The following LRRC2 variants were observed in gnomAD, a reference collection of about 807,000 sequenced individuals.
LRRC2 encodes leucine-rich repeat-containing protein 2.
A neutral mutation model predicts 40.2 loss-of-function variants in LRRC2; 27 were observed. The ratio of observed to expected loss-of-function variants is 0.67; its 90% CI spans 0.49 to 0.93. LRRC2 has a LOEUF of 0.93. Among genes scored for constraint, LRRC2 ranks in the 40% least tolerant of loss-of-function variants. The pLI, the probability that LRRC2 is intolerant of heterozygous loss-of-function variation, is 0.00. For synonymous variants in LRRC2, 147 were observed against 158.9 expected, an observed-to-expected ratio of 0.92 and a Z score of 0.56; for missense variants, 402 against 439.6, an observed-to-expected ratio of 0.91 and a Z score of 0.76.
intron 7 of LRRC2, among the ~76,000 whole-genome samples, chr3:46,522,416 TAAAC>T (rs71098410): frequency 0.11 from 15,613 of 145,926 alleles, 1,021 homozygotes; most frequent in East Asian, 0.17. Flanking sequence ...AATAAATAAA[TAAAC>T]AAACGATAGG....
At chr3:46,563,949 C>T (rs1404561589) in intron 1 of LRRC2, among the ~76,000 whole-genome samples, 4 of 152,236 alleles carry the variant, frequency 2.6e-5, no homozygotes, top group African/African-American at 9.6e-5. Flanking sequence ...AACCTCAACA[C>T]AGAAACCGTG....
rs1703893886 is a variant in LRRC2 at position 46,517,901 on chromosome 3, T to G, written c.*1113A>C. 1 of 152,288 alleles carries G rather than the reference T, an allele frequency of 6.6e-6. No homozygotes were observed. Among genetic ancestry groups the G allele is most frequent in the Admixed American group, 6.5e-5 (1 of 15,282 alleles). 9.4% of individuals were successfully genotyped at this position (152,288 alleles called of 1,614,324 possible). A position where few individuals can be genotyped will look rare whatever the true frequency, so the allele number is the denominator to read the frequency against. On this transcript the variant is annotated 3_prime_UTR_variant, in exon 9 of 9. Coordinates refer to ENST00000395905, the MANE Select transcript of LRRC2 (RefSeq NM_024512.5). ...ACAAGGAAGCCTTGCTAGGAACTCCTTATCAGTGTGGACTGGTCATCTCCA... is the reference window on the plus strand; with the variant it reads ...ACAAGGAAGCCTTGCTAGGAACTCCGTATCAGTGTGGACTGGTCATCTCCA...
chr3:46,528,721 C>T (rs1704106457), intron 6 of LRRC2, among the ~76,000 whole-genome samples: 1 of 152,168 alleles, frequency 6.6e-6, no homozygotes, highest in Non-Finnish European at 1.5e-5. Context: ...ATACACATCA[C>T]ATGTACCAGG....
At chr3:46,546,470 G>A in intron 2 of LRRC2, among the ~76,000 whole-genome samples, 1 of 152,186 alleles carries the variant, frequency 6.6e-6, no homozygotes, top group East Asian at 1.9e-4. Flanking sequence ...AGAAATTTCA[G>A]ATTTTGAAAG....
At chr3:46,525,084 T>C (rs1169740428) in intron 7 of LRRC2, among the ~76,000 whole-genome samples, 5 of 134,066 alleles carry the variant, frequency 3.7e-5, no homozygotes, top group South Asian at 5.6e-4. Context: ...TTCTTTTTTT[T>C]TCTTTTTTTT....
At position 46,518,955 on chromosome 3, in the gene LRRC2, T is replaced by A. The variant is rs1703917016; in HGVS notation, c.*59A>T. 1 of 1,147,652 alleles carries A rather than the reference T, an allele frequency of 8.7e-7. No homozygotes were observed. The highest frequency in any genetic ancestry group is 1.3e-6 in the Non-Finnish European group (1 of 756,676). The allele number at this position is 1,147,652 out of a possible 1,614,324, so 71.1% of individuals were successfully genotyped here. On this transcript the variant is annotated 3_prime_UTR_variant, in exon 9 of 9. Coordinates refer to ENST00000395905, the MANE Select transcript of LRRC2 (RefSeq NM_024512.5). ...CCATTCTTCCTATATGACATGATCA[T>A]AACAAAGATTTATATATAGCTCCAG... is the stretch of plus-strand genomic sequence containing the variant.
At chr3:46,523,757 A>G (rs1193293474) in intron 7 of LRRC2, among the ~76,000 whole-genome samples, 1 of 151,434 alleles carries the variant, frequency 6.6e-6, no homozygotes, top group African/African-American at 2.4e-5. Flanking sequence ...CCATCCATCT[A>G]TCCACCCATT....
At position 46,515,952 on chromosome 3, in the gene LRRC2, C is replaced by CTTTTTTTTTTTTTTTTTTTTT. The variant is rs35530625; in HGVS notation, c.*3041_*3061dup. On this transcript the variant is annotated 3_prime_UTR_variant, in exon 9 of 9. Coordinates refer to ENST00000395905, the MANE Select transcript of LRRC2 (RefSeq NM_024512.5). ...TTTCCTACTCTTTTCATCTCTCTCT[C>CTTTTTTTTTTTTTTTTTTTTT]TTTTTTTTTTTTTTTTTTTTTTTTT... The CTTTTTTTTTTTTTTTTTTTTT allele has an allele frequency of 8.5e-6, 1 of 117,092 alleles. No individual in the cohort carries two copies. Among genetic ancestry groups the CTTTTTTTTTTTTTTTTTTTTT allele is most frequent in the African/African-American group, 4.2e-5 (1 of 23,982 alleles). 7.3% of individuals were successfully genotyped at this position (117,092 alleles called of 1,614,324 possible).
At chr3:46,519,130 A>G (rs1010742368) in intron 8 of LRRC2, 67 bp from the exon 9 acceptor site, 2 of 1,053,262 alleles carry the variant, frequency 1.9e-6, no homozygotes, top group Non-Finnish European at 3.0e-6. Flanking sequence ...GCTACGTGCT[A>G]TGACATACAT....
At chr3:46,533,440 T>TA (rs1575348739) in intron 4 of LRRC2, among the ~76,000 whole-genome samples, 1 of 152,182 alleles carries the variant, frequency 6.6e-6, no homozygotes, top group Non-Finnish European at 1.5e-5. Flanking sequence ...CTCCCTAACT[T>TA]ACGATGGAAT....
intron 1 of LRRC2, 140 bp from the exon 2 acceptor site, chr3:46,551,750 GCTTTTT>G: frequency 2.0e-5 from 3 of 153,042 alleles, no homozygotes; most frequent in Non-Finnish European, 3.0e-5. Flanking sequence ...ATGACAGTTT[GCTTTTT>G]TTTTTTTTTT....
At chr3:46,555,663 T>C (rs1704775280) in intron 1 of LRRC2, among the ~76,000 whole-genome samples, 1 of 152,184 alleles carries the variant, frequency 6.6e-6, no homozygotes, top group Non-Finnish European at 1.5e-5. Flanking sequence ...ATTCCCACCT[T>C]TATGTTGCAG....
At chr3:46,563,966 G>A (rs1222468421) in intron 1 of LRRC2, among the ~76,000 whole-genome samples, 4 of 152,204 alleles carry the variant, frequency 2.6e-5, no homozygotes, top group Non-Finnish European at 5.9e-5. Flanking sequence ...CGTGTGTACT[G>A]AGCCAGTGTA....
chr3:46,527,607 G>A (rs2106986928), intron 6 of LRRC2, 26 bp from the exon 7 acceptor site: 2 of 1,604,978 alleles, frequency 1.2e-6, no homozygotes, highest in East Asian at 4.5e-5. Flanking sequence ...AACAATCATA[G>A]CACTGGACTT....
intron 4 of LRRC2, among the ~76,000 whole-genome samples, chr3:46,535,566 T>G (rs945004559): frequency 6.6e-6 from 1 of 152,216 alleles, no homozygotes; most frequent in Admixed American, 6.5e-5. Flanking sequence ...TGACCCCTTA[T>G]CCTACAAATG....
At chr3:46,520,166 ATATT>A (rs1481184363) in intron 8 of LRRC2, among the ~76,000 whole-genome samples, 2 of 148,536 alleles carry the variant, frequency 1.3e-5, no homozygotes, top group African/African-American at 2.4e-5. Flanking sequence ...ATTAAATAAT[ATATT>A]TATTAAATGA....
chr3:46,540,499 TGGGTGACAGAGTGAGACTCC>T (rs1348905550), intron 3 of LRRC2, among the ~76,000 whole-genome samples: 43 of 144,976 alleles, frequency 3.0e-4, no homozygotes, highest in African/African-American at 1.1e-3. Context: ...CACTCCAGCC[TGGGTGACAGAGTGAGACTCC>T]ATCTCAAAAA....
At chr3:46,564,312 A>ATCCACTTTACAGAGCCG (rs1305341054) in intron 1 of LRRC2, among the ~76,000 whole-genome samples, 58 of 152,078 alleles carry the variant, frequency 3.8e-4, no homozygotes, top group Non-Finnish European at 7.2e-4. Flanking sequence ...TTACAGAGCC[A>ATCCACTTTACAGAGCCG]TCCACTTTAC....
rs926699386 is a variant in LRRC2, at chr3:46,521,762, T to G, written c.930-104A>C. The G allele has an allele frequency of 2.1e-5, 24 of 1,154,422 alleles. No homozygotes were observed. The African/African-American group carries it at 3.7e-4, about 18-fold the overall frequency. 71.5% of individuals were successfully genotyped at this position (1,154,422 alleles called of 1,614,324 possible). Reference sequence around the variant, plus strand: ...CTGTTATCCCAAGTTCTGGCTTACCTTTAAAAGTCACATTTGACCACATGA... The same window carrying G: ...CTGTTATCCCAAGTTCTGGCTTACCGTTAAAAGTCACATTTGACCACATGA... On this transcript the variant is annotated intron_variant, in intron 7 of 8. Coordinates refer to ENST00000395905, the MANE Select transcript of LRRC2 (RefSeq NM_024512.5).
Sources: allele counts gnomAD v4.1 joint callset (sites outside exome capture counted in the v4.1 genomes callset), GRCh38; gene constraint gnomAD v4.1.1; transcripts MANE v1.5; gene names NCBI Gene and HGNC (gene_info 2026-07-23, HGNC 2026-07-21).